Variants in IDH2 observed in about 807,000 individuals in gnomAD.
The protein encoded by IDH2 is isocitrate dehydrogenase (NADP(+)) 2.
IDH2 carries 18 observed loss-of-function variants against 50.5 expected under a neutral mutation model. The ratio of observed to expected loss-of-function variants is 0.36; its 90% CI spans 0.25 to 0.53. The LOEUF is 0.53. Ranked by LOEUF, IDH2 falls within the 20% of genes least tolerant of loss-of-function variation. The pLI is 0.92. For synonymous variants in IDH2, 280 were observed against 239.8 expected (o/e 1.17, Z -1.55); for missense variants, 518 against 610.7 (o/e 0.85, Z 1.60).
chr15:90,091,952 G>A (rs926284243), intron 1 of IDH2, among the ~76,000 whole-genome samples: 1 of 152,192 alleles, frequency 6.6e-6, no homozygotes, highest in Non-Finnish European at 1.5e-5. Flanking sequence ...GCAGGTGAGT[G>A]AGCACTACTA....
intron 3 of IDH2, among the ~76,000 whole-genome samples, chr15:90,090,213 C>G (rs1900995998): frequency 6.6e-6 from 1 of 152,232 alleles, no homozygotes; most frequent in Non-Finnish European, 1.5e-5. Flanking sequence ...CTGCTGTGCC[C>G]TAACCGTGGA....
intron 7 of IDH2, 91 bp downstream of exon 7, chr15:90,087,021 T>C: frequency 7.0e-7 from 1 of 1,421,116 alleles, no homozygotes; most frequent in Non-Finnish European, 9.9e-7. Flanking sequence ...CCTGCTCCAC[T>C]AGAGTTTTCT....
chr15:90,102,440 C>A lies in IDH2; in HGVS notation c.-50G>T. The A allele has an allele frequency of 1.9e-6, 2 of 1,062,686 alleles. No individual in the cohort carries two copies. The highest frequency in any genetic ancestry group is 3.7e-5 in the South Asian group (1 of 26,764). The allele number at this position is 1,062,686 out of a possible 1,614,324, so 65.8% of individuals were successfully genotyped here. A position where few individuals can be genotyped will look rare whatever the true frequency, so the allele number is the denominator to read the frequency against. On this transcript the variant is annotated 5_prime_UTR_variant, in exon 1 of 11. Transcript: ENST00000330062. Reference sequence around the variant, plus strand: ...GGGCGGGAGAGGTCCGAGCGCGCGCCGCTCCTCCCGGCTGCCTGGCCGCGG... The same window carrying A: ...GGGCGGGAGAGGTCCGAGCGCGCGCAGCTCCTCCCGGCTGCCTGGCCGCGG...
intron 7 of IDH2, among the ~76,000 whole-genome samples, chr15:90,086,620 G>A (rs544569943): frequency 1.8e-4 from 28 of 152,110 alleles, no homozygotes; most frequent in African/African-American, 6.5e-4. Context: ...TGTTGGCCAC[G>A]CTGGTCTCAA....
chr15:90,095,895 T>G (rs1424158266), intron 1 of IDH2, among the ~76,000 whole-genome samples: 1 of 152,188 alleles, frequency 6.6e-6, no homozygotes, highest in Non-Finnish European at 1.5e-5. Flanking sequence ...CAGCAGAGAC[T>G]TGTTCTGCTT....
At chr15:90,093,713 G>A (rs1335736406) in intron 1 of IDH2, among the ~76,000 whole-genome samples, 3 of 152,036 alleles carry the variant, frequency 2.0e-5, no homozygotes, top group Non-Finnish European at 4.4e-5. Context: ...TCTGCCTCCC[G>A]GGTTCAAGCG....
chr15:90,101,178 C>G (rs1017519962), intron 1 of IDH2, among the ~76,000 whole-genome samples: 17 of 152,090 alleles, frequency 1.1e-4, no homozygotes, highest in Non-Finnish European at 1.2e-4. Flanking sequence ...CCTACCCCCC[C>G]GGCTCTAGTC....
At chr15:90,095,044 T>C (rs563993025) in intron 1 of IDH2, among the ~76,000 whole-genome samples, 6 of 151,978 alleles carry the variant, frequency 3.9e-5, no homozygotes, top group Non-Finnish European at 7.4e-5. Context: ...AACAACTGAC[T>C]TTCCAAAGAT....
rs140468415 is a variant in IDH2, at chr15:90,085,976, T to C, written c.968-589A>G. On this transcript the variant is annotated intron_variant, in intron 7 of 10. Transcript: ENST00000330062. This position sits in a 1 kb window ranked among gnomAD's most constrained non-coding sequence, Gnocchi z 5.5. Reference sequence around the variant, plus strand: ...AACATGGACAACATCTACAGGAAAATGCTTTGTCTATGAATTCTAAGAATT... The same window carrying C: ...AACATGGACAACATCTACAGGAAAACGCTTTGTCTATGAATTCTAAGAATT... 4.6e-5 allele frequency among the ~76,000 whole-genome samples: 7 copies of C among 152,272 alleles called. No individual in the cohort carries two copies. Among genetic ancestry groups the C allele is most frequent in the Non-Finnish European group, 1.0e-4 (7 of 68,010 alleles).
intron 3 of IDH2, 23 bp downstream of exon 3, chr15:90,090,456 C>T (rs201622203): frequency 4.3e-6 from 7 of 1,611,720 alleles, no homozygotes; most frequent in Middle Eastern, 2.2e-4. Flanking sequence ...CTCCCTGGCC[C>T]GCCCACCTCC....
chr15:90,101,183 C>G (rs562128390), intron 1 of IDH2, among the ~76,000 whole-genome samples: 1 of 152,192 alleles, frequency 6.6e-6, no homozygotes, highest in South Asian at 2.1e-4. Flanking sequence ...CCCCCCGGCT[C>G]TAGTCAGCTG....
rs540557518 is a variant in IDH2 at position 90,091,459 on chromosome 15, G to T, written c.207+94C>A. 5.5e-6 allele frequency: 5 copies of T among 913,152 alleles called. No homozygotes were observed. In the East Asian group the frequency reaches 1.2e-4, roughly 22 times the overall value. The allele number at this position is 913,152 out of a possible 1,614,324, so 56.6% of individuals were successfully genotyped here. A position where few individuals can be genotyped will look rare whatever the true frequency, so the allele number is the denominator to read the frequency against. The stretch of plus-strand genomic sequence containing the variant: ...TGCTGCCTACCAGGACAACGGGGGG[G>T]TCCTAGGGACCTGCAGTCCAGAAGA... On this transcript the variant is annotated intron_variant, in intron 2 of 10. Coordinates refer to ENST00000330062, the MANE Select transcript of IDH2 (RefSeq NM_002168.4).
At chr15:90,093,106 T>C (rs1901086943) in intron 1 of IDH2, among the ~76,000 whole-genome samples, 1 of 152,258 alleles carries the variant, frequency 6.6e-6, no homozygotes, top group Non-Finnish European at 1.5e-5. Context: ...TGCGGCTGCC[T>C]CATCCAGCAC....
chr15:90,099,939 T>C (rs941515559), intron 1 of IDH2, among the ~76,000 whole-genome samples: 2 of 152,182 alleles, frequency 1.3e-5, no homozygotes, highest in African/African-American at 4.8e-5. Context: ...ATACTACTTT[T>C]GTCAAAGACA....
Position 90,085,127 on chromosome 15 carries a change from G to A in IDH2, c.1081-29C>T, listed in dbSNP as rs375124611. On this transcript the variant is annotated intron_variant, in intron 8 of 10. Transcript: ENST00000330062. The surrounding 1 kb of genome is among the most constrained non-coding windows in gnomAD (Gnocchi z 5.5). ...GGGACGGGGGTTGCAGGGAGATCAA[G>A]AGCCGAGCCAGCTAGTGAGGAGGCT... 6.2e-6 allele frequency: 10 copies of A among 1,606,350 alleles called. No individual in the cohort carries two copies. The African/African-American group carries it at 1.3e-4, about 21-fold the overall frequency.
Position 90,100,769 on chromosome 15 carries a change from T to C in IDH2, c.115+1507A>G, listed in dbSNP as rs1459106635. On this transcript the variant is annotated intron_variant, in intron 1 of 10. Coordinates refer to ENST00000330062, the MANE Select transcript of IDH2 (RefSeq NM_002168.4). The surrounding 1 kb of genome is among the most constrained non-coding windows in gnomAD (Gnocchi z 4.1). Reference sequence around the variant, plus strand: ...TAACAAGCTGGCAGAGTCGCAACTGTAGAGTCTGATGTCCAACTCCAACAC... The same window carrying C: ...TAACAAGCTGGCAGAGTCGCAACTGCAGAGTCTGATGTCCAACTCCAACAC... 1.9e-5 allele frequency: 8 copies of C among 413,804 alleles called. No individual in the cohort carries two copies. The highest frequency in any genetic ancestry group is 2.3e-5 in the Non-Finnish European group (7 of 307,340). The allele number at this position is 413,804 out of a possible 1,614,324, so 25.6% of individuals were successfully genotyped here. A position where few individuals can be genotyped will look rare whatever the true frequency, so the allele number is the denominator to read the frequency against.
Position 90,098,040 on chromosome 15 carries a change from T to C in IDH2, c.115+4236A>G, listed in dbSNP as rs1029186117. Among the ~76,000 whole-genome samples, 11 of 152,116 alleles carry C rather than the reference T, an allele frequency of 7.2e-5. No homozygotes were observed. The highest frequency in any genetic ancestry group is 6.5e-4 in the Admixed American group (10 of 15,268). On this transcript the variant is annotated intron_variant, in intron 1 of 10. Coordinates refer to ENST00000330062, the MANE Select transcript of IDH2 (RefSeq NM_002168.4). The surrounding 1 kb of genome is among the most constrained non-coding windows in gnomAD (Gnocchi z 5.1). ...TGCTGTTCAGCCTGTATGGTGGAGA[T>C]ACAGCCATGGTCTGCCCTTCTCTGA...
intron 1 of IDH2, among the ~76,000 whole-genome samples, chr15:90,091,961 TAC>T (rs990903514): frequency 6.6e-6 from 1 of 152,196 alleles, no homozygotes; most frequent in African/African-American, 2.4e-5. Context: ...TGAGCACTAC[TAC>T]CACCTGAGCT....
chr15:90,093,090 G>C (rs1055111838), intron 1 of IDH2, among the ~76,000 whole-genome samples: 1 of 152,246 alleles, frequency 6.6e-6, no homozygotes, highest in Non-Finnish European at 1.5e-5. Flanking sequence ...AAGAACACTG[G>C]CTAGCTGCGG....
Sources: allele counts gnomAD v4.1 joint callset (sites outside exome capture counted in the v4.1 genomes callset), GRCh38; gene constraint gnomAD v4.1.1; non-coding constraint Gnocchi (gnomAD v3.1); transcripts MANE v1.5; gene names NCBI Gene and HGNC (gene_info 2026-07-23, HGNC 2026-07-21).